Variants in MAX observed in about 807,000 individuals in gnomAD.
MAX encodes protein max.
Under a neutral mutation model 22.3 loss-of-function variants are expected in MAX, and 3 were observed. The ratio of observed to expected loss-of-function variants is 0.13; its 90% CI spans 0.06 to 0.35. MAX has a LOEUF of 0.35. Ranked by LOEUF, MAX falls within the 10% of genes least tolerant of loss-of-function variation. MAX has a pLI of 1.00. For synonymous variants in MAX, 72 were observed against 77.7 expected (o/e 0.93, Z 0.39); for missense variants, 119 against 209.4 (o/e 0.57, Z 2.66).
intron 3 of MAX, among the ~76,000 whole-genome samples, chr14:65,052,032 T>TCGA (rs1235411162): frequency 6.6e-6 from 1 of 152,118 alleles, no homozygotes; most frequent in Non-Finnish European, 1.5e-5. Context: ...CCTGACCTCG[T>TCGA]GATCAACCCC....
At chr14:65,060,479 G>A (rs1163867632) in intron 3 of MAX, among the ~76,000 whole-genome samples, 2 of 112,584 alleles carry the variant, frequency 1.8e-5, no homozygotes, top group Non-Finnish European at 3.2e-5. Context: ...GGCGGATCAC[G>A]AGGTCAGGAG....
chr14:65,084,152 T>TTG lies in MAX; in HGVS notation c.172-6118_172-6117dup. 6.2e-7 allele frequency: 1 copy of TTG among 1,612,154 alleles called. No homozygotes were observed. On this transcript the variant is annotated intron_variant, in intron 3 of 4. Transcript: ENST00000358664. This position sits in a 1 kb window ranked among gnomAD's most constrained non-coding sequence, Gnocchi z 4.3. ...TTAATTAAAGCCAGGAGTAAGACATTTGTGTAAGGGGTCAAAACAATCATT... is the reference window on the plus strand; with the variant it reads ...TTAATTAAAGCCAGGAGTAAGACATTTGTGTGTAAGGGGTCAAAACAATCATT...
intron 3 of MAX, among the ~76,000 whole-genome samples, chr14:65,039,736 C>T (rs1323577061): frequency 2.0e-5 from 3 of 152,212 alleles, no homozygotes; most frequent in South Asian, 4.1e-4. Flanking sequence ...TTATTTGGCT[C>T]ATGGTTCTGC....
chr14:65,048,739 T>C (rs1411931776), intron 3 of MAX, among the ~76,000 whole-genome samples: 2 of 152,010 alleles, frequency 1.3e-5, no homozygotes, highest in East Asian at 3.9e-4. Flanking sequence ...CCTGTAGTCC[T>C]AGCTACTCAG....
At chr14:65,008,003 C>A (rs2061621954) in intron 3 of MAX, among the ~76,000 whole-genome samples, 1 of 152,210 alleles carries the variant, frequency 6.6e-6, no homozygotes, top group African/African-American at 2.4e-5. Context: ...ACCAGCTTAG[C>A]TCCCGTGTTT....
At position 65,054,697 on chromosome 14, in the gene MAX, G is replaced by A. The variant is rs750787196; in HGVS notation, c.171+39011C>T. Reference sequence around the variant, plus strand: ...GTGCCCGAAAACGCTCTGGTAAGACGGGTGCAGGGCTTCACACCCCTTCTC... The same window carrying A: ...GTGCCCGAAAACGCTCTGGTAAGACAGGTGCAGGGCTTCACACCCCTTCTC... On this transcript the variant is annotated intron_variant, in intron 3 of 3. Transcript: ENST00000341653. This position sits in a 1 kb window ranked among gnomAD's most constrained non-coding sequence, Gnocchi z 4.4. The A allele has an allele frequency of 2.9e-5, 47 of 1,600,554 alleles. No homozygotes were observed. The highest frequency in any genetic ancestry group is 8.1e-5 in the African/African-American group (6 of 74,532).
intron 2 of MAX, among the ~76,000 whole-genome samples, chr14:65,099,961 C>T (rs1428737994): frequency 6.6e-6 from 1 of 152,196 alleles, no homozygotes; most frequent in Non-Finnish European, 1.5e-5. Context: ...ACAACCTGCA[C>T]AATCTTTGCT....
chr14:65,025,751 G>A (rs918189904), intron 3 of MAX, among the ~76,000 whole-genome samples: 3 of 152,166 alleles, frequency 2.0e-5, no homozygotes, highest in African/African-American at 7.2e-5. Context: ...GGGAGGTTGA[G>A]GCTGCAGTGA....
rs768678097 is a variant in MAX at position 65,062,533 on chromosome 14, A to C, written c.171+31175T>G. ...GTGGGCTGCGGGCAGACAGGAGCTC[A>C]GAGATGCAGCATGAGGCGCTTAGAA... On this transcript the variant is annotated intron_variant, in intron 3 of 3. Coordinates refer to the MAX transcript ENST00000341653. The surrounding 1 kb of genome is among the most constrained non-coding windows in gnomAD (Gnocchi z 4.3). 1 of 152,710 alleles carries C rather than the reference A, an allele frequency of 6.5e-6. No homozygotes were observed. Among genetic ancestry groups the C allele is most frequent in the Non-Finnish European group, 1.5e-5 (1 of 68,066 alleles). The allele number at this position is 152,710 out of a possible 1,614,324, so 9.5% of individuals were successfully genotyped here. A position where few individuals can be genotyped will look rare whatever the true frequency, so the allele number is the denominator to read the frequency against.
chr14:65,090,116 C>G (rs558880032), intron 3 of MAX: 1 of 152,286 alleles, frequency 6.6e-6, no homozygotes, highest in African/African-American at 2.4e-5. Context: ...TTCAGTGTTA[C>G]CTACATACGC....
chr14:65,018,438 A>G (rs2061820959), intron 3 of MAX, among the ~76,000 whole-genome samples: 1 of 152,270 alleles, frequency 6.6e-6, no homozygotes, highest in African/African-American at 2.4e-5. Flanking sequence ...TTAAAAATAT[A>G]GATGATGATA....
chr14:65,051,501 C>T (rs950797087), intron 3 of MAX, among the ~76,000 whole-genome samples: 2 of 151,886 alleles, frequency 1.3e-5, no homozygotes, highest in African/African-American at 2.4e-5. Flanking sequence ...ATCCCAGCTA[C>T]TCGGGAGGCT....
chr14:65,067,228 A>G (rs955978711), intron 3 of MAX, among the ~76,000 whole-genome samples: 3 of 152,006 alleles, frequency 2.0e-5, no homozygotes, highest in African/African-American at 7.2e-5. Context: ...ATTTTGGAAT[A>G]GTTTGAGATT....
intron 3 of MAX, among the ~76,000 whole-genome samples, chr14:65,064,138 C>T (rs768660904): frequency 2.6e-5 from 4 of 152,158 alleles, no homozygotes; most frequent in Non-Finnish European, 4.4e-5. Context: ...TTCCACACTG[C>T]TCTCCCTTCT....
rs1463493191 is a variant in MAX at position 65,084,477 on chromosome 14, AAAAG to A, written c.172-6445_172-6442del. ...ACTACTCTTTAGAATTTGCTTGAAA[AAAAG>A]AAAGAAATGGAAGAAAGAGGATATA... is the stretch of plus-strand genomic sequence containing the variant. On this transcript the variant is annotated intron_variant, in intron 3 of 4. Transcript: ENST00000358664. The surrounding 1 kb of genome is among the most constrained non-coding windows in gnomAD (Gnocchi z 4.3). Among the ~76,000 whole-genome samples the A allele has an allele frequency of 6.6e-6, 1 of 152,174 alleles. No homozygotes were observed. Among genetic ancestry groups the A allele is most frequent in the Non-Finnish European group, 1.5e-5 (1 of 68,036 alleles).
At chr14:65,066,016 G>A (rs992696422) in intron 3 of MAX, among the ~76,000 whole-genome samples, 15 of 152,174 alleles carry the variant, frequency 9.9e-5, no homozygotes, top group African/African-American at 3.1e-4. Flanking sequence ...TTCCACCACC[G>A]CAGGCCTCTG....
chr14:65,101,765 G>T (rs911942235), intron 1 of MAX, 193 bp from the exon 2 acceptor site: 1 of 607,590 alleles, frequency 1.6e-6, no homozygotes, highest in Non-Finnish European at 2.9e-6. Flanking sequence ...GGGTAGAGGG[G>T]TCCCGAGCGC....
At position 65,061,810 on chromosome 14, in the gene MAX, C is replaced by T. The variant is rs547857203; in HGVS notation, c.171+31898G>A. ...TGTGGTGGAGTTGCACCAGGAGGTG[C>T]CTCTGCCTCTCGACTTGCACCCTGG... On this transcript the variant is annotated intron_variant, in intron 3 of 3. Transcript: ENST00000341653. The T allele has an allele frequency of 4.5e-5, 7 of 155,128 alleles. No homozygotes were observed. In the South Asian group the frequency reaches 1.2e-3, roughly 26 times the overall value. The allele number at this position is 155,128 out of a possible 1,614,324, so 9.6% of individuals were successfully genotyped here. A position where few individuals can be genotyped will look rare whatever the true frequency, so the allele number is the denominator to read the frequency against.
At position 65,093,898 on chromosome 14, in the gene MAX, C is replaced by T. The variant is rs1341248682; in HGVS notation, c.64-83G>A. On this transcript the variant is annotated intron_variant, in intron 2 of 4. Transcript: ENST00000358664. The surrounding 1 kb of genome is among the most constrained non-coding windows in gnomAD (Gnocchi z 4.4). ...GTGGGTGGGGTACAGCCTGGAAGTA[C>T]ACGCTGTCAGCACTGTCCCTGGCGA... The T allele has an allele frequency of 1.1e-5, 9 of 837,982 alleles. No individual in the cohort carries two copies. In the East Asian group the frequency reaches 1.9e-4, roughly 18 times the overall value. The allele number at this position is 837,982 out of a possible 1,614,324, so 51.9% of individuals were successfully genotyped here.
Sources: allele counts gnomAD v4.1 joint callset (sites outside exome capture counted in the v4.1 genomes callset), GRCh38; gene constraint gnomAD v4.1.1; non-coding constraint Gnocchi (gnomAD v3.1); transcripts MANE v1.5; gene names NCBI Gene and HGNC (gene_info 2026-07-23, HGNC 2026-07-21).